The following MRPL16 variants were observed in gnomAD, a reference collection of about 807,000 sequenced individuals.
The protein encoded by MRPL16 is large ribosomal subunit protein uL16m.
In MRPL16, 17 loss-of-function variants were observed where a neutral mutation model predicts 22.7. That is an observed-to-expected ratio of 0.75 (90% CI 0.51 to 1.12). MRPL16 has a LOEUF of 1.12. MRPL16 is among the 50% of genes most tolerant of loss of function. The pLI is 0.00. For missense variants in MRPL16, 316 were observed against 328.7 expected (o/e 0.96, Z 0.30); for synonymous variants, 103 against 112.8 (o/e 0.91, Z 0.55).
intron 1 of MRPL16, 55 bp downstream of exon 1, chr11:59,810,549 G>A: frequency 6.2e-7 from 1 of 1,610,208 alleles, no homozygotes; most frequent in Non-Finnish European, 8.5e-7. Flanking sequence ...AAAAGCACTG[G>A]AGGGTGGGGG....
At chr11:59,810,308 C>A in intron 1 of MRPL16, 1 of 1,293,774 alleles carries the variant, frequency 7.7e-7, no homozygotes, top group Non-Finnish European at 9.8e-7. Context: ...CGCGCCCGCC[C>A]AAAAGTACTT....
chr11:59,806,717 T>C lies in MRPL16; in HGVS notation c.386A>G (p.Lys129Arg), dbSNP rs369099009. ...CCCAACACTTTTGCGAGTGATGGGC[T>C]TGAAAGGGGCTGGTACTCGCCATAT... ...FAIWRVPAPF[K>R]PITRKSVGHR... The change falls in exon 4 of 4, where the codon AAG becomes AGG. Residue 129 changes from lysine (K) to arginine (R), a missense_variant. Transcript: ENST00000300151. The C allele has an allele frequency of 6.8e-6, 11 of 1,614,096 alleles. No individual in the cohort carries two copies. Among genetic ancestry groups the C allele is most frequent in the Admixed American group, 1.7e-5 (1 of 60,006 alleles).
chr11:59,809,229 CAAATT>C (rs1045573836), intron 2 of MRPL16, among the ~76,000 whole-genome samples: 10 of 152,132 alleles, frequency 6.6e-5, no homozygotes, highest in South Asian at 4.1e-4. Flanking sequence ...TTAAATTTAA[CAAATT>C]AAAGCTTTTT....
chr11:59,810,534 G>C, intron 1 of MRPL16, 70 bp downstream of exon 1: 1 of 1,602,900 alleles, frequency 6.2e-7, no homozygotes, highest in South Asian at 1.1e-5. Context: ...TTTGGGTTAG[G>C]GAGAAAAAGC....
At chr11:59,806,901 C>G in intron 3 of MRPL16, 69 bp from the exon 4 acceptor site, 2 of 1,536,586 alleles carry the variant, frequency 1.3e-6, no homozygotes, top group South Asian at 1.2e-5. Flanking sequence ...ATTATTTTGT[C>G]TCTTCTAGTA....
In MRPL16 at chr11:59,806,630, C is replaced by CAA; in HGVS notation, c.472_473insTT (p.Arg158LeufsTer5). ...ACGCCCACCCATCTCTACAACAAGGCGGCCAGCCTTCACAGGTGTCACGTA... is the reference window on the plus strand; with the variant it reads ...ACGCCCACCCATCTCTACAACAAGGCAAGGCCAGCCTTCACAGGTGTCACGTA... On this transcript the variant is annotated frameshift_variant, in exon 4 of 4. Coordinates refer to ENST00000300151, the MANE Select transcript of MRPL16 (RefSeq NM_017840.4). LOFTEE classifies it high-confidence loss of function. 6.2e-7 allele frequency: 1 copy of CAA among 1,614,244 alleles called. No individual in the cohort carries two copies. Among genetic ancestry groups the CAA allele is most frequent in the Non-Finnish European group, 8.5e-7 (1 of 1,180,050 alleles).
intron 3 of MRPL16, 34 bp from the exon 4 acceptor site, chr11:59,806,866 G>T: frequency 6.3e-7 from 1 of 1,586,916 alleles, no homozygotes; most frequent in Non-Finnish European, 8.6e-7. Flanking sequence ...AAACACATGC[G>T]GACTTCGACA....
At chr11:59,810,251 C>T in intron 1 of MRPL16, 1 of 1,170,782 alleles carries the variant, frequency 8.5e-7, no homozygotes. Context: ...TCAAGTGATT[C>T]GCCCGCCTCG....
chr11:59,808,436 T>C (rs1311826264), intron 2 of MRPL16, among the ~76,000 whole-genome samples: 5 of 152,208 alleles, frequency 3.3e-5, no homozygotes, highest in African/African-American at 4.8e-5. Flanking sequence ...CTCAGTGAAT[T>C]ACCAGAAAGT....
chr11:59,810,608 C>CT lies in MRPL16; in HGVS notation c.50_51insA (p.Ser18ValfsTer23). 1 of 1,614,160 alleles carries CT rather than the reference C, an allele frequency of 6.2e-7. No individual in the cohort carries two copies. The highest frequency in any genetic ancestry group is 8.5e-7 in the Non-Finnish European group (1 of 1,179,982). ...GAACCAAAAGGGACTTCTGACCTGA[C>CT]AAGGGCACCCGCAGGAGCGGCGCAC... On this transcript the variant is annotated frameshift_variant, in exon 1 of 4. Coordinates refer to ENST00000300151, the MANE Select transcript of MRPL16 (RefSeq NM_017840.4). LOFTEE classifies it high-confidence loss of function.
At position 59,810,716 on chromosome 11, in the gene MRPL16, C is replaced by G; in HGVS notation, c.-58G>C. On this transcript the variant is annotated 5_prime_UTR_variant, in exon 1 of 4. Coordinates refer to ENST00000300151, the MANE Select transcript of MRPL16 (RefSeq NM_017840.4). ...CAGCGACTCCGGCTGTCTCCTGCAC[C>G]CAGGTAAGCAGCGGCGCTCCACTAC... The G allele has an allele frequency of 6.2e-7, 1 of 1,603,964 alleles. No homozygotes were observed. Among genetic ancestry groups the G allele is most frequent in the Non-Finnish European group, 8.5e-7 (1 of 1,171,994 alleles).
intron 2 of MRPL16, among the ~76,000 whole-genome samples, chr11:59,808,093 T>TA (rs759578007): frequency 2.0e-5 from 3 of 152,202 alleles, no homozygotes; most frequent in Non-Finnish European, 4.4e-5. Context: ...CTGAAAGTCT[T>TA]AAAGTTACCA....
Position 59,806,221 on chromosome 11 carries a change from C to G in MRPL16, c.*126G>C, listed in dbSNP as rs1866083499. 3 of 1,001,492 alleles carry G rather than the reference C, an allele frequency of 3.0e-6. No individual in the cohort carries two copies. In the East Asian group the frequency reaches 7.3e-5, roughly 24 times the overall value. The allele number at this position is 1,001,492 out of a possible 1,614,324, so 62.0% of individuals were successfully genotyped here. A position where few individuals can be genotyped will look rare whatever the true frequency, so the allele number is the denominator to read the frequency against. On this transcript the variant is annotated 3_prime_UTR_variant, in exon 4 of 4. Transcript: ENST00000300151. Reference sequence around the variant, plus strand: ...ACAAATAACATTGTTTTTCAGAAATCTACTCAAATGCTGCTCCTTAGTTAT... The same window carrying G: ...ACAAATAACATTGTTTTTCAGAAATGTACTCAAATGCTGCTCCTTAGTTAT...
At chr11:59,807,639 G>A in intron 3 of MRPL16, 62 bp downstream of exon 3, 1 of 1,511,306 alleles carries the variant, frequency 6.6e-7, no homozygotes, top group South Asian at 1.3e-5. Flanking sequence ...ATCTCAAGGA[G>A]TATGAGATTT....
chr11:59,810,333 T>C lies in MRPL16; in HGVS notation c.55+271A>G, dbSNP rs948894880. On this transcript the variant is annotated intron_variant, in intron 1 of 3. Transcript: ENST00000300151. The stretch of plus-strand genomic sequence containing the variant: ...CAAAAGTACTTCCGCCGGAGGAGTC[T>C]TGAGGTGTGGGATGCGGATTCCACT... The C allele has an allele frequency of 9.7e-6, 13 of 1,343,910 alleles. No individual in the cohort carries two copies. In the African/African-American group the frequency reaches 1.2e-4, roughly 12 times the overall value. The allele number at this position is 1,343,910 out of a possible 1,614,324, so 83.2% of individuals were successfully genotyped here. A position where few individuals can be genotyped will look rare whatever the true frequency, so the allele number is the denominator to read the frequency against.
In MRPL16 at chr11:59,806,676, C is replaced by G. The variant is rs1379975496; in HGVS notation, c.427G>C (p.Gly143Arg). The G allele has an allele frequency of 7.4e-6, 12 of 1,614,194 alleles. No homozygotes were observed. Among genetic ancestry groups the G allele is most frequent in the Non-Finnish European group, 1.0e-5 (12 of 1,180,042 alleles). Residue 143 changes from glycine (G) to arginine (R), a missense_variant, in exon 4 of 4, where the codon GGC becomes CGC. By Grantham distance (125) the Gly-to-Arg change is moderately radical. Coordinates refer to ENST00000300151, the MANE Select transcript of MRPL16 (RefSeq NM_017840.4). The part of the protein sequence containing the change: ...RKSVGHRMGG[G>R]KGAIDHYVTP... ...ACGTAGTGGTCAATAGCACCTTTGCCTCCCCCCATGCGATGCCCAACACTT... is the reference window on the plus strand; with the variant it reads ...ACGTAGTGGTCAATAGCACCTTTGCGTCCCCCCATGCGATGCCCAACACTT...
chr11:59,806,885 G>T, intron 3 of MRPL16, 53 bp from the exon 4 acceptor site: 1 of 1,559,054 alleles, frequency 6.4e-7, no homozygotes, highest in Non-Finnish European at 8.7e-7. Context: ...CATCATCTAT[G>T]GGCTCATTAT....
chr11:59,810,172 A>T (rs1866158602), intron 1 of MRPL16: 2 of 736,816 alleles, frequency 2.7e-6, no homozygotes, highest in Non-Finnish European at 3.8e-6. Flanking sequence ...CGCCCAGCTA[A>T]TTTTTTTTGT....
At chr11:59,809,759 G>A in intron 2 of MRPL16, 96 bp downstream of exon 2, 1 of 1,049,746 alleles carries the variant, frequency 9.5e-7, no homozygotes, top group Non-Finnish European at 1.4e-6. Flanking sequence ...AGTGAACGGG[G>A]ATGGGAAACA....
Sources: gnomAD v4.1 joint callset for allele counts (sites outside exome capture counted in the v4.1 genomes callset) on GRCh38, gnomAD v4.1.1 for gene constraint, MANE v1.5 for transcripts, NCBI Gene and HGNC (gene_info 2026-07-23, HGNC 2026-07-21) for gene names.